Variants in CCDC3 observed in about 807,000 individuals in gnomAD.
The protein encoded by CCDC3 is coiled-coil domain-containing protein 3.
In CCDC3, 24 loss-of-function variants were observed where a neutral mutation model predicts 21.4. That is an observed-to-expected ratio of 1.12 (90% confidence interval 0.81 to 1.58). CCDC3 has a LOEUF of 1.58. CCDC3 is among the 40% of genes most tolerant of loss of function. CCDC3 has a pLI of 0.00. For synonymous variants in CCDC3, 186 were observed against 166.0 expected (o/e 1.12, Z -0.93); for missense variants, 425 against 360.9 (o/e 1.18, Z -1.44).
intron 2 of CCDC3, among the ~76,000 whole-genome samples, chr10:12,939,408 A>T (rs1247010437): frequency 1.3e-5 from 2 of 152,226 alleles, no homozygotes; most frequent in Non-Finnish European, 2.9e-5. Flanking sequence ...AGGCAGGCAG[A>T]TCTCAAGAGT....
At chr10:12,957,626 C>T (rs999084987) in intron 2 of CCDC3, among the ~76,000 whole-genome samples, 3 of 152,126 alleles carry the variant, frequency 2.0e-5, no homozygotes, top group African/African-American at 7.2e-5. Flanking sequence ...GCCGTCCTCA[C>T]GATAGTGAGA....
chr10:12,905,666 T>C (rs1834160371), intron 2 of CCDC3, among the ~76,000 whole-genome samples: 1 of 152,224 alleles, frequency 6.6e-6, no homozygotes, highest in African/African-American at 2.4e-5. Context: ...CATCTCAATG[T>C]ACTGCAGCCA....
chr10:13,038,886 A>G, intron 5 of CCDC3, among the ~76,000 whole-genome samples: 1 of 152,286 alleles, frequency 6.6e-6, no homozygotes, highest in East Asian at 1.9e-4. Context: ...TTGTGGCTAC[A>G]TCTTGCACAC....
intron 5 of CCDC3, among the ~76,000 whole-genome samples, chr10:13,017,482 A>G (rs535595246): frequency 3.5e-4 from 51 of 144,522 alleles, no homozygotes; most frequent in Middle Eastern, 3.6e-3. Context: ...GCGCCACTGC[A>G]CTCATGCCTG....
intron 2 of CCDC3, among the ~76,000 whole-genome samples, chr10:12,922,869 A>G (rs1834473620): frequency 6.6e-6 from 1 of 152,194 alleles, no homozygotes. Context: ...ATGCCAATTT[A>G]TAGCCTAGAA....
intron 4 of CCDC3, among the ~76,000 whole-genome samples, chr10:13,056,552 G>A (rs1304843536): frequency 6.6e-6 from 1 of 152,190 alleles, no homozygotes; most frequent in Non-Finnish European, 1.5e-5. Flanking sequence ...GAGGGCGAGT[G>A]CCTCAAGAAA....
intron 2 of CCDC3, among the ~76,000 whole-genome samples, chr10:12,960,109 G>A (rs1293156680): frequency 6.6e-6 from 1 of 151,744 alleles, no homozygotes; most frequent in East Asian, 1.9e-4. Flanking sequence ...AGCCGAGATC[G>A]TGCCACTGCA....
At chr10:12,983,200 G>A (rs1288344002) in intron 2 of CCDC3, among the ~76,000 whole-genome samples, 1 of 143,970 alleles carries the variant, frequency 6.9e-6, no homozygotes, top group East Asian at 2.0e-4. Flanking sequence ...AAGGTTTTGG[G>A]GTAGAATTAA....
chr10:13,002,795 C>A (rs1835875424), upstream of CCDC3, among the ~76,000 whole-genome samples: 1 of 152,196 alleles, frequency 6.6e-6, no homozygotes, highest in Admixed American at 6.5e-5. Flanking sequence ...GTTTTGGAGG[C>A]AGGAAGTCCA....
Position 13,074,623 on chromosome 10 carries a change from TCTCCTTACC to T in CCDC3, c.-502-532_-502-524del, listed in dbSNP as rs1836938159. ...TTTTATAGATTTTTCTACAATACTT[TCTCCTTACC>T]CTTGTTAAAGCATTTGTTATCACTT... On this transcript the variant is annotated intron_variant, in intron 3 of 6. Coordinates refer to the CCDC3 transcript ENST00000378839. Among the ~76,000 whole-genome samples the T allele has an allele frequency of 3.3e-5, 5 of 151,974 alleles. No individual in the cohort carries two copies. In the South Asian group the frequency reaches 1.0e-3, roughly 32 times the overall value.
At chr10:13,099,394 C>G (rs1832687248) in intron 1 of CCDC3, 1 of 146,680 alleles carries the variant, frequency 6.8e-6, no homozygotes. Flanking sequence ...CCCTCTCTCC[C>G]TCTCTCCGTC....
At chr10:13,032,491 G>C (rs973273266) in intron 5 of CCDC3, among the ~76,000 whole-genome samples, 2 of 152,106 alleles carry the variant, frequency 1.3e-5, no homozygotes, top group Non-Finnish European at 2.9e-5. Context: ...TTCTGGCCAG[G>C]GCAATCAGGC....
chr10:12,916,621 GA>G (rs71386130), intron 2 of CCDC3, among the ~76,000 whole-genome samples: 111,494 of 142,264 alleles, frequency 0.78, 42,749 homozygotes, highest in South Asian at 0.83. Context: ...CTCCATCTCA[GA>G]AAAAAAAAAA....
intron 2 of CCDC3, among the ~76,000 whole-genome samples, chr10:12,971,475 A>C (rs961124804): frequency 6.6e-6 from 1 of 152,174 alleles, no homozygotes; most frequent in Non-Finnish European, 1.5e-5. Context: ...TCTAGGTCCT[A>C]AATGGCCTCC....
At chr10:12,991,306 T>G (rs1835678531) in intron 2 of CCDC3, among the ~76,000 whole-genome samples, 1 of 137,156 alleles carries the variant, frequency 7.3e-6, no homozygotes, top group Non-Finnish European at 1.6e-5. Context: ...ACATATGTTT[T>G]TTTTGTTGTT....
chr10:13,007,255 A>G (rs951185322), intron 5 of CCDC3, among the ~76,000 whole-genome samples: 3 of 152,182 alleles, frequency 2.0e-5, no homozygotes, highest in African/African-American at 7.2e-5. Flanking sequence ...TCGAGTATTC[A>G]GTTCAACCTT....
chr10:13,037,892 A>T (rs2131415973), intron 5 of CCDC3, among the ~76,000 whole-genome samples: 1 of 151,840 alleles, frequency 6.6e-6, no homozygotes, highest in South Asian at 2.1e-4. Flanking sequence ...ATACACCCTG[A>T]GTCTCTACAC....
chr10:13,053,659 TTGA>T (rs1836641572), intron 4 of CCDC3, among the ~76,000 whole-genome samples: 1 of 152,212 alleles, frequency 6.6e-6, no homozygotes, highest in South Asian at 2.1e-4. Flanking sequence ...GTGAGGAATG[TTGA>T]TGAACCTTGG....
intron 3 of CCDC3, among the ~76,000 whole-genome samples, chr10:13,092,342 G>T (rs76729221): frequency 0.032 from 4,861 of 152,254 alleles, 122 homozygotes; most frequent in South Asian, 0.092. Context: ...TGTAAGATCA[G>T]CTTTTGAAGT....
Sources: gnomAD v4.1 joint callset for allele counts (sites outside exome capture counted in the v4.1 genomes callset) on GRCh38, gnomAD v4.1.1 for gene constraint, MANE v1.5 for transcripts, NCBI Gene and HGNC (gene_info 2026-07-23, HGNC 2026-07-21) for gene names.